The following TAFA2 variants were observed in gnomAD, a reference collection of about 807,000 sequenced individuals.
The protein encoded by TAFA2 is TAFA chemokine like family member 2, also known as chemokine-like protein TAFA-2.
A neutral mutation model predicts 18.8 loss-of-function variants in TAFA2; 7 were observed. That is an observed-to-expected ratio of 0.37 (90% confidence interval 0.21 to 0.70). TAFA2 has a LOEUF of 0.70. TAFA2 is among the 30% of genes least tolerant of loss of function. The pLI, the probability that TAFA2 is intolerant of heterozygous loss-of-function variation, is 0.53. For synonymous variants in TAFA2, 60 were observed against 54.2 expected (o/e 1.11, Z -0.47); for missense variants, 122 against 158.1 (o/e 0.77, Z 1.23).
chr12:62,070,299 G>A (rs1033592284), intron 1 of TAFA2: 2 of 152,122 alleles, frequency 1.3e-5, no homozygotes, highest in Non-Finnish European at 2.9e-5. Context: ...AGAAAAGTCT[G>A]TGTGTGTGTA....
Position 62,025,868 on chromosome 12 carries a change from A to C in TAFA2, c.-1-158442T>G, listed in dbSNP as rs1881295132. ...GAGTTTTTACCTAAGGAAAAAATATATTTAATAAAAATATTGAGCACCTAC... is the reference window on the plus strand; with the variant it reads ...GAGTTTTTACCTAAGGAAAAAATATCTTTAATAAAAATATTGAGCACCTAC... On this transcript the variant is annotated intron_variant, in intron 1 of 4. Transcript: ENST00000416284. Among the ~76,000 whole-genome samples, 3 of 152,246 alleles carry C rather than the reference A, an allele frequency of 2.0e-5. No homozygotes were observed. The South Asian group carries it at 6.2e-4, about 32-fold the overall frequency.
intron 1 of TAFA2, among the ~76,000 whole-genome samples, chr12:62,230,914 G>A (rs1018789992): frequency 3.3e-5 from 5 of 152,110 alleles, no homozygotes; most frequent in East Asian, 1.9e-4. Flanking sequence ...GGGCTCAAGC[G>A]ATCCTCCTTC....
At chr12:61,855,189 T>A (rs1387307969) in intron 2 of TAFA2, among the ~76,000 whole-genome samples, 1 of 152,180 alleles carries the variant, frequency 6.6e-6, no homozygotes, top group African/African-American at 2.4e-5. Flanking sequence ...CCAGTTATTT[T>A]CCCCTGAGAT....
intron 2 of TAFA2, among the ~76,000 whole-genome samples, chr12:61,792,985 AAACTATACT>A (rs1187570464): frequency 1.3e-5 from 2 of 151,656 alleles, no homozygotes; most frequent in Non-Finnish European, 3.0e-5. Context: ...AACATTTACC[AAACTATACT>A]ATATTCTGGG....
intron 4 of TAFA2, 22 bp downstream of exon 4, chr12:61,753,600 C>A: frequency 6.2e-7 from 1 of 1,603,080 alleles, no homozygotes; most frequent in Non-Finnish European, 8.5e-7. Flanking sequence ...ATTCTGTTTT[C>A]CCAAGCTTGC....
intron 1 of TAFA2, among the ~76,000 whole-genome samples, chr12:62,097,876 T>C (rs1869017049): frequency 1.3e-5 from 2 of 152,108 alleles, no homozygotes; most frequent in South Asian, 2.1e-4. Flanking sequence ...TTCTCAGCTG[T>C]GTTCAAGATT....
chr12:61,817,635 G>A (rs954783669), intron 2 of TAFA2, among the ~76,000 whole-genome samples: 2 of 152,192 alleles, frequency 1.3e-5, no homozygotes, highest in East Asian at 1.9e-4. Context: ...AGCTAGGTAC[G>A]CCCTGGGTCT....
chr12:61,722,866 C>T (rs1007486780), intron 4 of TAFA2, among the ~76,000 whole-genome samples: 2 of 151,964 alleles, frequency 1.3e-5, no homozygotes, highest in Non-Finnish European at 2.9e-5. Context: ...CCTGCTGTTC[C>T]TCCTCCTCTT....
chr12:62,144,470 G>A (rs946634692), intron 1 of TAFA2, among the ~76,000 whole-genome samples: 2 of 151,306 alleles, frequency 1.3e-5, no homozygotes, highest in African/African-American at 4.9e-5. Flanking sequence ...AAAAAAAAAA[G>A]ATCCAAATCT....
chr12:62,019,507 T>C (rs779589798), intron 1 of TAFA2, among the ~76,000 whole-genome samples: 5 of 151,750 alleles, frequency 3.3e-5, no homozygotes, highest in Non-Finnish European at 7.4e-5. Flanking sequence ...ATGATGAGTT[T>C]ATGTCCTTTG....
chr12:62,257,155 C>CAT, intron 1 of TAFA2, among the ~76,000 whole-genome samples: 1 of 2,500 alleles, frequency 4.0e-4, no homozygotes. Flanking sequence ...TATATATATA[C>CAT]ATATATATGT....
At chr12:62,145,233 T>C (rs1241888002) in intron 1 of TAFA2, among the ~76,000 whole-genome samples, 1 of 152,154 alleles carries the variant, frequency 6.6e-6, no homozygotes, top group Non-Finnish European at 1.5e-5. Flanking sequence ...CCTAGACTGT[T>C]AGGAAAGAGG....
intron 1 of TAFA2, among the ~76,000 whole-genome samples, chr12:61,877,903 T>A (rs55849369): frequency 0.027 from 3,895 of 144,016 alleles, 92 homozygotes; most frequent in African/African-American, 0.06. Flanking sequence ...ATTGTGATTT[T>A]TATATATATA....
intron 2 of TAFA2, among the ~76,000 whole-genome samples, chr12:61,850,110 A>T (rs1312607380): frequency 1.3e-5 from 2 of 152,158 alleles, no homozygotes; most frequent in African/African-American, 2.4e-5. Context: ...CTCTGTATAA[A>T]TCACAGATAT....
chr12:61,938,247 A>AAG lies in TAFA2; in HGVS notation c.-1-70822_-1-70821insCT, dbSNP rs1309566979. ...AGATATGGTAAAAAAAAAAAAAAAA[A>AAG]AAAAGGGAAAACTTATATATTGCTG... is the stretch of plus-strand genomic sequence containing the variant. On this transcript the variant is annotated intron_variant, in intron 1 of 4. Coordinates refer to ENST00000416284, the MANE Select transcript of TAFA2 (RefSeq NM_178539.5). Among the ~76,000 whole-genome samples the AAG allele has an allele frequency of 6.6e-5, 10 of 151,546 alleles. No homozygotes were observed. The East Asian group carries it at 1.7e-3, about 26-fold the overall frequency.
intron 1 of TAFA2, among the ~76,000 whole-genome samples, chr12:62,134,713 G>C (rs1257724321): frequency 1.3e-5 from 2 of 152,166 alleles, no homozygotes; most frequent in East Asian, 1.9e-4. Context: ...CGTCCATCTA[G>C]TTAATCCATC....
intron 1 of TAFA2, among the ~76,000 whole-genome samples, chr12:61,936,155 G>C (rs1299859051): frequency 1.3e-5 from 2 of 152,064 alleles, no homozygotes; most frequent in Admixed American, 1.3e-4. Flanking sequence ...TTCATCTCAG[G>C]AATACAGGAA....
chr12:62,234,401 C>G (rs2062825978), intron 1 of TAFA2: 2 of 693,762 alleles, frequency 2.9e-6, no homozygotes, highest in South Asian at 2.7e-5. Flanking sequence ...GGACCAGGAA[C>G]AGGACCGTCC....
intron 1 of TAFA2, among the ~76,000 whole-genome samples, chr12:62,050,012 G>A (rs376256557): frequency 2.0e-5 from 3 of 152,168 alleles, no homozygotes; most frequent in African/African-American, 7.2e-5. Context: ...ATTCACAAGC[G>A]TAAATCCAGA....
Sources: allele counts gnomAD v4.1 joint callset (sites outside exome capture counted in the v4.1 genomes callset), GRCh38; gene constraint gnomAD v4.1.1; transcripts MANE v1.5; gene names NCBI Gene and HGNC (gene_info 2026-07-23, HGNC 2026-07-21).